Variants in PCDHGA6 observed in about 807,000 individuals in gnomAD.
PCDHGA6 encodes the protein protocadherin gamma-A6.
Under a neutral mutation model 60.6 loss-of-function variants are expected in PCDHGA6, and 41 were observed. That is an observed-to-expected ratio of 0.68 (90% CI 0.53 to 0.88). The LOEUF (loss-of-function observed/expected upper bound fraction) is 0.88, where lower values mean the gene tolerates loss of function less well. Among genes scored for constraint, PCDHGA6 ranks in the 40% least tolerant of loss-of-function variants. The pLI, the probability that PCDHGA6 is intolerant of heterozygous loss-of-function variation, is 0.00. For missense variants in PCDHGA6, 1,312 were observed against 1,203.0 expected (o/e 1.09, Z -1.34); for synonymous variants, 594 against 524.4 (o/e 1.13, Z -1.81).
intron 1 of PCDHGA6, among the ~76,000 whole-genome samples, chr5:141,451,606 G>C (rs2098720118): frequency 6.6e-6 from 1 of 152,152 alleles, no homozygotes; most frequent in Non-Finnish European, 1.5e-5. Flanking sequence ...ACAAGGCTAG[G>C]CATGGTGGCT....
intron 1 of PCDHGA6, chr5:141,415,752 T>C: frequency 7.3e-7 from 1 of 1,372,622 alleles, no homozygotes; most frequent in Non-Finnish European, 9.4e-7. Flanking sequence ...TTTTTTTTTT[T>C]TTTTTTTTTT....
intron 1 of PCDHGA6, chr5:141,416,276 A>G (rs553989511): frequency 6.6e-6 from 1 of 152,388 alleles, no homozygotes; most frequent in East Asian, 1.9e-4. Context: ...TTTTGCATAC[A>G]ATTCTCTAAT....
intron 1 of PCDHGA6, chr5:141,387,860 G>T: frequency 6.3e-7 from 1 of 1,593,236 alleles, no homozygotes; most frequent in Non-Finnish European, 8.5e-7. Flanking sequence ...CCAGGCTGGT[G>T]AGCAAGCTGA....
At position 141,476,458 on chromosome 5, in the gene PCDHGA6, C is replaced by A. The variant is rs368153419; in HGVS notation, c.2425-18349C>A. Reference sequence around the variant, plus strand: ...TAACTCTGGAGTTGGTAGTGGAGAACCCGCTGGAGCTGTTCAGCGTGGAAG... The same window carrying A: ...TAACTCTGGAGTTGGTAGTGGAGAAACCGCTGGAGCTGTTCAGCGTGGAAG... On this transcript the variant is annotated intron_variant, in intron 1 of 3. Transcript: ENST00000517434. This position sits in a 1 kb window ranked among gnomAD's most constrained non-coding sequence, Gnocchi z 7.6. 1 of 1,613,928 alleles carries A rather than the reference C, an allele frequency of 6.2e-7. No individual in the cohort carries two copies. Among genetic ancestry groups the A allele is most frequent in the Non-Finnish European group, 8.5e-7 (1 of 1,180,022 alleles).
chr5:141,476,382 A>G lies in PCDHGA6; in HGVS notation c.2425-18425A>G, dbSNP rs777831089. ...CGGGAGACCGGAGAGATGTTTGTGA[A>G]CGACCGTCTGGATCGAGAGGAGCTG... On this transcript the variant is annotated intron_variant, in intron 1 of 3. Transcript: ENST00000517434. This position sits in a 1 kb window ranked among gnomAD's most constrained non-coding sequence, Gnocchi z 7.6. 3.7e-6 allele frequency: 6 copies of G among 1,613,866 alleles called. No individual in the cohort carries two copies. The East Asian group carries it at 1.3e-4, about 36-fold the overall frequency.
intron 1 of PCDHGA6, chr5:141,387,787 A>C (rs2091094069): frequency 6.1e-6 from 9 of 1,479,268 alleles, no homozygotes; most frequent in Non-Finnish European, 1.8e-6. Context: ...CTGGAACTGC[A>C]ACTAAAGTCC....
rs2099401367 is a variant in PCDHGA6 at position 141,476,906 on chromosome 5, G to C, written c.2425-17901G>C. ...GGATGCACCCTCCGGCACGCGCGTG[G>C]TACAAGTCCTTGCAACGGATCTGGA... is the stretch of plus-strand genomic sequence containing the variant. On this transcript the variant is annotated intron_variant, in intron 1 of 3. Coordinates refer to ENST00000517434, the MANE Select transcript of PCDHGA6 (RefSeq NM_018919.3). The surrounding 1 kb of genome is among the most constrained non-coding windows in gnomAD (Gnocchi z 7.6). 2 of 1,614,050 alleles carry C rather than the reference G, an allele frequency of 1.2e-6. No homozygotes were observed. The highest frequency in any genetic ancestry group is 1.7e-6 in the Non-Finnish European group (2 of 1,180,044).
intron 1 of PCDHGA6, chr5:141,419,684 G>A (rs1286646418): frequency 5.4e-5 from 87 of 1,612,770 alleles, no homozygotes; most frequent in Non-Finnish European, 7.3e-5. Flanking sequence ...CTACCACGTG[G>A]TGCAGGCCAG....
chr5:141,498,673 T>C (rs1158071657), intron 2 of PCDHGA6, among the ~76,000 whole-genome samples: 1 of 152,180 alleles, frequency 6.6e-6, no homozygotes, highest in Non-Finnish European at 1.5e-5. Flanking sequence ...GGCTCACGCC[T>C]GTAATCCCAG....
At chr5:141,379,679 T>C (rs561648427) in intron 1 of PCDHGA6, 1 of 152,142 alleles carries the variant, frequency 6.6e-6, no homozygotes, top group African/African-American at 2.4e-5. Flanking sequence ...CATTCACTCA[T>C]GTGGACTGAC....
chr5:141,487,616 G>T lies in PCDHGA6; in HGVS notation c.2425-7191G>T. The T allele has an allele frequency of 1.2e-6, 2 of 1,614,220 alleles. No homozygotes were observed. The highest frequency in any genetic ancestry group is 1.7e-6 in the Non-Finnish European group (2 of 1,180,044). ...CTCTGATCTTCTCTATGGGCTAGAGGTGAGACCTTTGCAGGCTCAACAAAT... is the reference window on the plus strand; with the variant it reads ...CTCTGATCTTCTCTATGGGCTAGAGTTGAGACCTTTGCAGGCTCAACAAAT... On this transcript the variant is annotated intron_variant, in intron 1 of 3. Coordinates refer to ENST00000517434, the MANE Select transcript of PCDHGA6 (RefSeq NM_018919.3). This position sits in a 1 kb window ranked among gnomAD's most constrained non-coding sequence, Gnocchi z 5.0.
At position 141,487,179 on chromosome 5, in the gene PCDHGA6, C is replaced by T. The variant is rs768886732; in HGVS notation, c.2425-7628C>T. Reference sequence around the variant, plus strand: ...CTCTTAGTGTCCTTAGAGGAAGACACTCATCCAGTTGTCCCAGATCTTCGA... The same window carrying T: ...CTCTTAGTGTCCTTAGAGGAAGACATTCATCCAGTTGTCCCAGATCTTCGA... On this transcript the variant is annotated intron_variant, in intron 1 of 3. Transcript: ENST00000517434. This position sits in a 1 kb window ranked among gnomAD's most constrained non-coding sequence, Gnocchi z 5.0. 6.2e-6 allele frequency: 10 copies of T among 1,613,474 alleles called. No individual in the cohort carries two copies. Among genetic ancestry groups the T allele is most frequent in the Non-Finnish European group, 6.8e-6 (8 of 1,179,370 alleles).
intron 1 of PCDHGA6, chr5:141,378,709 C>T (rs1358072601): frequency 6.6e-6 from 1 of 152,094 alleles, no homozygotes; most frequent in Non-Finnish European, 1.5e-5. Context: ...ATAAGGCTTT[C>T]ATCATATAGG....
rs1436738898 is a variant in PCDHGA6 at position 141,376,037 on chromosome 5, C to T, written c.1954C>T (p.Pro652Ser). The change falls in exon 1 of 4, where the codon CCC becomes TCC. Residue 652 changes from proline (P) to serine (S), a missense_variant. Coordinates refer to ENST00000517434, the MANE Select transcript of PCDHGA6 (RefSeq NM_018919.3). ...LVVAVQDHGQ[P>S]PLSATVTLTV... ...GGTGGCCGTCCAGGACCACGGCCAG[C>T]CCCCTCTCTCCGCCACTGTCACGCT... The T allele has an allele frequency of 6.2e-7, 1 of 1,613,104 alleles. No homozygotes were observed. Among genetic ancestry groups the T allele is most frequent in the African/African-American group, 1.3e-5 (1 of 75,068 alleles).
intron 1 of PCDHGA6, chr5:141,415,347 C>T (rs1369709460): frequency 1.9e-6 from 3 of 1,614,120 alleles, no homozygotes; most frequent in Non-Finnish European, 2.5e-6. Context: ...GGCGCTGGCA[C>T]AAGTCACGCC....
At chr5:141,420,369 T>C in intron 1 of PCDHGA6, 2 of 1,349,364 alleles carry the variant, frequency 1.5e-6, no homozygotes, top group Non-Finnish European at 2.0e-6. Flanking sequence ...AGATAACTTC[T>C]TCATAGAGTT....
intron 1 of PCDHGA6, chr5:141,395,109 A>C (rs1181706209): frequency 6.2e-7 from 1 of 1,614,210 alleles, no homozygotes; most frequent in Non-Finnish European, 8.5e-7. Flanking sequence ...CTCGCGGAAG[A>C]GTCACCTGAT....
intron 1 of PCDHGA6, among the ~76,000 whole-genome samples, chr5:141,464,402 G>T (rs900750443): frequency 6.6e-6 from 1 of 150,722 alleles, no homozygotes; most frequent in African/African-American, 2.4e-5. Context: ...AAGAACCTGA[G>T]ATATATATAT....
chr5:141,430,521 A>G, intron 1 of PCDHGA6: 1 of 350,390 alleles, frequency 2.9e-6, no homozygotes, highest in Non-Finnish European at 5.1e-6. Context: ...TTGTGCAGTA[A>G]TTGGTTAGGA....
Sources: allele counts gnomAD v4.1 joint callset (sites outside exome capture counted in the v4.1 genomes callset), GRCh38; gene constraint gnomAD v4.1.1; non-coding constraint Gnocchi (gnomAD v3.1); transcripts MANE v1.5; gene names NCBI Gene and HGNC (gene_info 2026-07-23, HGNC 2026-07-21).